Variants in PICALM observed in about 807,000 individuals in gnomAD.
PICALM encodes phosphatidylinositol-binding clathrin assembly protein.
PICALM carries 40 observed loss-of-function variants against 80.5 expected under a neutral mutation model. The observed-to-expected ratio is 0.50, with a 90% CI of 0.39 to 0.65. The LOEUF (loss-of-function observed/expected upper bound fraction) is 0.65, where lower values mean the gene tolerates loss of function less well. PICALM is among the 30% of genes least tolerant of loss of function. The pLI, the probability that PICALM is intolerant of heterozygous loss-of-function variation, is 0.00. For missense variants in PICALM, 676 were observed against 778.9 expected (o/e 0.87, Z 1.57); for synonymous variants, 288 against 260.3 (o/e 1.11, Z -1.02).
chr11:86,058,825 A>G (rs998782411), intron 1 of PICALM, among the ~76,000 whole-genome samples: 8 of 152,180 alleles, frequency 5.3e-5, no homozygotes, highest in African/African-American at 1.9e-4. Flanking sequence ...GGCACCTTCT[A>G]GAGTTGTGCA....
At chr11:86,038,917 C>T (rs2095894925) in intron 1 of PICALM, among the ~76,000 whole-genome samples, 1 of 152,054 alleles carries the variant, frequency 6.6e-6, no homozygotes, top group Non-Finnish European at 1.5e-5. Flanking sequence ...TGAGACCAGC[C>T]TGGCCAACAT....
chr11:85,968,627 T>G (rs2093989151), intron 19 of PICALM, among the ~76,000 whole-genome samples: 1 of 152,140 alleles, frequency 6.6e-6, no homozygotes, highest in African/African-American at 2.4e-5. Context: ...AAAGAATTAG[T>G]TTATGAACTA....
chr11:85,978,137 G>T (rs138593326), intron 17 of PICALM: 3 of 1,538,640 alleles, frequency 1.9e-6, no homozygotes, highest in Non-Finnish European at 1.8e-6. Flanking sequence ...AATAACACTG[G>T]ATTAGAACAA....
intron 19 of PICALM, 133 bp downstream of exon 19, chr11:85,974,575 T>TC (rs1460227090): frequency 6.8e-6 from 5 of 735,270 alleles, no homozygotes; most frequent in Non-Finnish European, 5.0e-6. Context: ...AAGAAAGATA[T>TC]GAAGCAAGCA....
At chr11:86,058,668 C>T (rs185512433) in intron 1 of PICALM, among the ~76,000 whole-genome samples, 1 of 152,320 alleles carries the variant, frequency 6.6e-6, no homozygotes, top group African/African-American at 2.4e-5. Flanking sequence ...CCTATTATCT[C>T]ATACAGCTTC....
At chr11:86,050,946 C>T (rs774717467) in intron 1 of PICALM, among the ~76,000 whole-genome samples, 1 of 152,174 alleles carries the variant, frequency 6.6e-6, no homozygotes, top group Non-Finnish European at 1.5e-5. Context: ...CCTCAGTCAC[C>T]TGAGTAGCTG....
At chr11:86,060,464 C>T (rs997612992) in intron 1 of PICALM, among the ~76,000 whole-genome samples, 4 of 152,178 alleles carry the variant, frequency 2.6e-5, no homozygotes, top group Admixed American at 2.0e-4. Flanking sequence ...CTACTACATT[C>T]AACCTATGGC....
In PICALM at chr11:85,991,315, G is replaced by C. The variant is rs527647352; in HGVS notation, c.1259-916C>G. Among the ~76,000 whole-genome samples the C allele has an allele frequency of 1.5e-4, 23 of 152,130 alleles. No individual in the cohort carries two copies. The East Asian group carries it at 4.3e-3, about 28-fold the overall frequency. On this transcript the variant is annotated intron_variant, in intron 12 of 19. Coordinates refer to ENST00000393346, the MANE Select transcript of PICALM (RefSeq NM_007166.4). The stretch of plus-strand genomic sequence containing the variant: ...GATACTCCTGTAATTCTCAACAGTG[G>C]AATCTTCTTGTCTGTTCTAGTTTAG...
intron 2 of PICALM, among the ~76,000 whole-genome samples, chr11:86,029,647 T>C (rs1371681006): frequency 6.6e-6 from 1 of 151,854 alleles, no homozygotes; most frequent in Admixed American, 6.5e-5. Context: ...ATTGATACTT[T>C]GTTTATCTGG....
chr11:85,957,240 C>T lies in PICALM; in HGVS notation c.*1806G>A, dbSNP rs533645155. Among the ~76,000 whole-genome samples the T allele has an allele frequency of 2.6e-5, 4 of 152,312 alleles. No individual in the cohort carries two copies. Among genetic ancestry groups the T allele is most frequent in the South Asian group, 2.1e-4 (1 of 4,830 alleles). On this transcript the variant is annotated 3_prime_UTR_variant, in exon 20 of 20. Coordinates refer to ENST00000393346, the MANE Select transcript of PICALM (RefSeq NM_007166.4). ...TGATAAAATTTATTGGCTACGACTA[C>T]ATTTTTTCTCCAATCACAGCAAATA...
At chr11:86,040,922 G>A (rs532225642) in intron 1 of PICALM, among the ~76,000 whole-genome samples, 58 of 152,210 alleles carry the variant, frequency 3.8e-4, no homozygotes, top group African/African-American at 1.1e-3. Context: ...GGTCTTTGGG[G>A]GTAAAGATAC....
At chr11:86,043,906 C>G (rs1009130790) in intron 1 of PICALM, among the ~76,000 whole-genome samples, 1 of 152,182 alleles carries the variant, frequency 6.6e-6, no homozygotes, top group Non-Finnish European at 1.5e-5. Flanking sequence ...CAGAGGCTCC[C>G]TCACTCAGAA....
At chr11:85,965,546 T>C (rs956240288) in intron 19 of PICALM, among the ~76,000 whole-genome samples, 1 of 152,212 alleles carries the variant, frequency 6.6e-6, no homozygotes, top group Non-Finnish European at 1.5e-5. Flanking sequence ...CTTAAGGATA[T>C]AAATTATACA....
At chr11:86,025,207 C>T (rs1463930629) in intron 3 of PICALM, among the ~76,000 whole-genome samples, 2 of 152,160 alleles carry the variant, frequency 1.3e-5, no homozygotes, top group African/African-American at 4.8e-5. Flanking sequence ...GCAGACCATC[C>T]TGGCCAACAT....
At chr11:86,055,543 C>T (rs1285793853) in intron 1 of PICALM, among the ~76,000 whole-genome samples, 1 of 152,120 alleles carries the variant, frequency 6.6e-6, no homozygotes, top group Non-Finnish European at 1.5e-5. Context: ...AAACTATACC[C>T]AGTAGTCATG....
intron 3 of PICALM, among the ~76,000 whole-genome samples, chr11:86,023,231 A>G (rs1278416079): frequency 6.6e-6 from 1 of 152,226 alleles, no homozygotes; most frequent in African/African-American, 2.4e-5. Flanking sequence ...AACAAATTTA[A>G]TTACTTGGTC....
chr11:86,036,907 G>C (rs111680005), intron 1 of PICALM, among the ~76,000 whole-genome samples: 8,766 of 140,350 alleles, frequency 0.062, 441 homozygotes, highest in African/African-American at 0.15. Context: ...TTTGAGACCA[G>C]CCTAAGCAAC....
chr11:86,011,015 T>G lies in PICALM; in HGVS notation c.765+15A>C. ...AAAAGGCAAGTTAGGAGACAGTCAC[T>G]TAAAGACAGTTTACCTCTGCAACTT... On this transcript the variant is annotated intron_variant, in intron 7 of 19. Coordinates refer to ENST00000393346, the MANE Select transcript of PICALM (RefSeq NM_007166.4). 1 of 1,190,668 alleles carries G rather than the reference T, an allele frequency of 8.4e-7. No individual in the cohort carries two copies. The highest frequency in any genetic ancestry group is 1.9e-5 in the Admixed American group (1 of 51,942). The allele number at this position is 1,190,668 out of a possible 1,614,324, so 73.8% of individuals were successfully genotyped here.
In PICALM at chr11:86,062,124, G is replaced by GGAGAA. The variant is rs543972420; in HGVS notation, c.130+6526_130+6527insTTCTC. On this transcript the variant is annotated intron_variant, in intron 1 of 19. Coordinates refer to ENST00000393346, the MANE Select transcript of PICALM (RefSeq NM_007166.4). ...GCTGGGGAAGAGAAGGGATGGCGAG[G>GGAGAA]GGGAGCACAGAGTATTTCAGGGCAG... Among the ~76,000 whole-genome samples the GGAGAA allele has an allele frequency of 3.7e-4, 57 of 152,298 alleles. No individual in the cohort carries two copies. The East Asian group carries it at 7.9e-3, about 21-fold the overall frequency.
Sources: gnomAD v4.1 joint callset for allele counts (sites outside exome capture counted in the v4.1 genomes callset) on GRCh38, gnomAD v4.1.1 for gene constraint, MANE v1.5 for transcripts, NCBI Gene and HGNC (gene_info 2026-07-23, HGNC 2026-07-21) for gene names.